Variants in SAMD3 observed in about 807,000 individuals in gnomAD.
The protein encoded by SAMD3 is sterile alpha motif domain-containing protein 3.
A neutral mutation model predicts 58.5 loss-of-function variants in SAMD3; 63 were observed. The observed-to-expected ratio is 1.08, with a 90% CI of 0.88 to 1.33. SAMD3 has a LOEUF of 1.33. Among genes scored for constraint, SAMD3 ranks in the 40% most tolerant of loss-of-function variants. The probability of loss-of-function intolerance (pLI) is 0.00; values close to 1 mark genes in which losing one functional copy is unlikely to be tolerated. For synonymous variants in SAMD3, 220 were observed against 210.3 expected (o/e 1.05, Z -0.40); for missense variants, 604 against 608.4 (o/e 0.99, Z 0.08).
chr6:130,284,696 A>G (rs550038477), intron 2 of SAMD3, among the ~76,000 whole-genome samples: 24 of 152,310 alleles, frequency 1.6e-4, no homozygotes, highest in African/African-American at 4.8e-4. Context: ...TTGACCAGGT[A>G]AATAATCAAA....
chr6:130,257,615 A>G (rs73607953), intron 2 of SAMD3, among the ~76,000 whole-genome samples: 4 of 152,146 alleles, frequency 2.6e-5, no homozygotes, highest in African/African-American at 9.7e-5. Context: ...GTACTTATTC[A>G]TATCTAATTT....
chr6:130,354,999 A>G (rs1247606824), intron 1 of SAMD3, among the ~76,000 whole-genome samples: 2 of 152,300 alleles, frequency 1.3e-5, no homozygotes, highest in South Asian at 2.1e-4. Flanking sequence ...ATGCAGAAAA[A>G]GTTTATCTTT....
chr6:130,268,918 T>C (rs1220250167), intron 2 of SAMD3, among the ~76,000 whole-genome samples: 1 of 152,196 alleles, frequency 6.6e-6, no homozygotes, highest in East Asian at 1.9e-4. Flanking sequence ...TGCCTTTTTA[T>C]CCTCTTAATA....
intron 1 of SAMD3, among the ~76,000 whole-genome samples, chr6:130,359,006 G>A (rs914441493): frequency 1.6e-4 from 24 of 152,276 alleles, no homozygotes; most frequent in African/African-American, 3.9e-4. Context: ...ATCAGACTGC[G>A]TGGGCTCATG....
chr6:130,333,001 T>G (rs893402794), intron 1 of SAMD3, among the ~76,000 whole-genome samples: 1 of 151,910 alleles, frequency 6.6e-6, no homozygotes, highest in Non-Finnish European at 1.5e-5. Context: ...TCATTGTGCT[T>G]ATTTCCTCAA....
chr6:130,320,369 T>C (rs1269527815), intron 1 of SAMD3, among the ~76,000 whole-genome samples: 1 of 152,158 alleles, frequency 6.6e-6, no homozygotes, highest in Non-Finnish European at 1.5e-5. Context: ...TATGCACGTA[T>C]TAGAATGGCT....
intron 2 of SAMD3, among the ~76,000 whole-genome samples, chr6:130,255,284 G>A (rs1773885862): frequency 6.6e-6 from 1 of 152,198 alleles, no homozygotes; most frequent in Admixed American, 6.5e-5. Flanking sequence ...GCTGTTGGAT[G>A]TAATGTTCTG....
intron 2 of SAMD3, among the ~76,000 whole-genome samples, chr6:130,304,275 T>A (rs1410038338): frequency 1.3e-5 from 2 of 152,210 alleles, no homozygotes; most frequent in Non-Finnish European, 2.9e-5. Flanking sequence ...GTTCAAGCGA[T>A]TCTCCTGCCT....
At chr6:130,346,077 A>G (rs1777440191) in intron 1 of SAMD3, among the ~76,000 whole-genome samples, 1 of 152,216 alleles carries the variant, frequency 6.6e-6, no homozygotes, top group Non-Finnish European at 1.5e-5. Flanking sequence ...TTAAAAATTA[A>G]TATGGTTGGG....
downstream of SAMD3, chr6:130,144,229 A>C (rs1459567306): frequency 2.4e-5 from 9 of 378,284 alleles, no homozygotes; most frequent in East Asian, 5.0e-4. Flanking sequence ...GGATTTGAGT[A>C]CAGTGTATTT....
At chr6:130,182,100 T>G (rs1429507662) in intron 7 of SAMD3, among the ~76,000 whole-genome samples, 1 of 151,434 alleles carries the variant, frequency 6.6e-6, no homozygotes, top group Admixed American at 6.6e-5. Context: ...ACAAGTTCTA[T>G]ACACAGTAAC....
intron 2 of SAMD3, among the ~76,000 whole-genome samples, chr6:130,289,814 T>C (rs1239019272): frequency 6.6e-6 from 1 of 152,164 alleles, no homozygotes; most frequent in Non-Finnish European, 1.5e-5. Flanking sequence ...AAAAGATTTT[T>C]AAACCATGTA....
chr6:130,304,843 T>C (rs1775862139), intron 2 of SAMD3, among the ~76,000 whole-genome samples: 1 of 152,102 alleles, frequency 6.6e-6, no homozygotes, highest in Non-Finnish European at 1.5e-5. Flanking sequence ...CAATAAACTT[T>C]TGTAATTTTT....
In SAMD3 at chr6:130,309,434, A is replaced by G. The variant is rs192199806; in HGVS notation, c.-188+3544T>C. On this transcript the variant is annotated intron_variant, in intron 2 of 13. Coordinates refer to the SAMD3 transcript ENST00000368134. ...TATTTAATATCATGGCACACAAAAC[A>G]TGCTCAATAAATTGTAGCTACTGTT... Among the ~76,000 whole-genome samples the G allele has an allele frequency of 1.2e-3, 190 of 152,314 alleles. 1 individual carries two copies. The highest frequency in any genetic ancestry group is 4.4e-3 in the African/African-American group (182 of 41,572).
chr6:130,143,481 T>A (rs987953870), downstream of SAMD3, among the ~76,000 whole-genome samples: 1 of 152,156 alleles, frequency 6.6e-6, no homozygotes, highest in Non-Finnish European at 1.5e-5. Context: ...TGACCTCAGG[T>A]GATCTGCCCA....
chr6:130,172,703 G>A (rs1407932652), intron 8 of SAMD3, among the ~76,000 whole-genome samples: 1 of 152,106 alleles, frequency 6.6e-6, no homozygotes, highest in Non-Finnish European at 1.5e-5. Flanking sequence ...TCTTCTTGAG[G>A]AGTATCTTAG....
upstream of SAMD3, chr6:130,365,723 G>A (rs1583162352): frequency 2.0e-6 from 2 of 985,398 alleles, no homozygotes; most frequent in Non-Finnish European, 1.2e-6. Context: ...CTGCAAGCGG[G>A]TACTTTGTTC....
chr6:130,194,832 A>G (rs1448713587), intron 5 of SAMD3, among the ~76,000 whole-genome samples: 2 of 152,134 alleles, frequency 1.3e-5, no homozygotes, highest in African/African-American at 4.8e-5. Context: ...CTGCCTGATC[A>G]CCTTGGAAGC....
intron 5 of SAMD3, among the ~76,000 whole-genome samples, chr6:130,198,550 AG>A (rs1794355135): frequency 6.6e-6 from 1 of 152,144 alleles, no homozygotes; most frequent in Non-Finnish European, 1.5e-5. Context: ...CCTTTCAAAA[AG>A]GAGCTCTCTG....
Sources: gnomAD v4.1 joint callset for allele counts (sites outside exome capture counted in the v4.1 genomes callset) on GRCh38, gnomAD v4.1.1 for gene constraint, MANE v1.5 for transcripts, NCBI Gene and HGNC (gene_info 2026-07-23, HGNC 2026-07-21) for gene names.